WNT8B: variants seen among roughly 807,000 people sequenced by gnomAD.
WNT8B encodes protein Wnt-8b.
A neutral mutation model predicts 36.6 loss-of-function variants in WNT8B; 24 were observed. That is an observed-to-expected ratio of 0.66 (90% CI 0.48 to 0.92). WNT8B has a LOEUF of 0.92. WNT8B is among the 40% of genes least tolerant of loss of function. The probability of loss-of-function intolerance (pLI) is 0.00; values close to 1 mark genes in which losing one functional copy is unlikely to be tolerated. For synonymous variants in WNT8B, 199 were observed against 189.8 expected, an observed-to-expected ratio of 1.05 and a Z score of -0.40; for missense variants, 402 against 470.8, an observed-to-expected ratio of 0.85 and a Z score of 1.35.
chr10:100,474,455 A>G (rs1161930765), intron 1 of WNT8B, among the ~76,000 whole-genome samples: 1 of 140,526 alleles, frequency 7.1e-6, no homozygotes, highest in Non-Finnish European at 1.6e-5. Flanking sequence ...GCATCTTCTC[A>G]CAATACTCAC....
At position 100,463,207 on chromosome 10, in the gene WNT8B, C is replaced by CGAAA; in HGVS notation, c.39_40insGAAA (p.Thr14GlufsTer40). On this transcript the variant is annotated frameshift_variant, in exon 1 of 6. Coordinates refer to ENST00000343737, the MANE Select transcript of WNT8B (RefSeq NM_003393.4). LOFTEE classifies it high-confidence loss of function. ...AGCCTTCTGTGTACATCTGTCTTTTCACCTGTGTCCTCCAACTCAGCCACA... is the reference window on the plus strand; with the variant it reads ...AGCCTTCTGTGTACATCTGTCTTTTCGAAAACCTGTGTCCTCCAACTCAGCCACA... 1.2e-6 allele frequency: 2 copies of CGAAA among 1,613,952 alleles called. No homozygotes were observed. The highest frequency in any genetic ancestry group is 1.7e-6 in the Non-Finnish European group (2 of 1,179,930).
chr10:100,474,453 T>C (rs1851012775), intron 1 of WNT8B, among the ~76,000 whole-genome samples: 1 of 141,848 alleles, frequency 7.0e-6, no homozygotes, highest in Admixed American at 6.9e-5. Flanking sequence ...TTGCATCTTC[T>C]CACAATACTC....
rs920898310 is a variant in WNT8B, at chr10:100,479,729, G to A, written c.103-145G>A. On this transcript the variant is annotated intron_variant, in intron 2 of 5. Coordinates refer to ENST00000343737, the MANE Select transcript of WNT8B (RefSeq NM_003393.4). Reference sequence around the variant, plus strand: ...ATAGTGCCTATTTCACAAGTTATTTGTGATGTCAAATGAGACAGCATATTT... The same window carrying A: ...ATAGTGCCTATTTCACAAGTTATTTATGATGTCAAATGAGACAGCATATTT... 6 of 1,074,096 alleles carry A rather than the reference G, an allele frequency of 5.6e-6. No homozygotes were observed. The African/African-American group carries it at 7.9e-5, about 14-fold the overall frequency. 66.5% of individuals were successfully genotyped at this position (1,074,096 alleles called of 1,614,324 possible). A position where few individuals can be genotyped will look rare whatever the true frequency, so the allele number is the denominator to read the frequency against.
chr10:100,479,866 C>T lies in WNT8B; in HGVS notation c.103-8C>T. ...TCAGTCTGAATTTTTACCCCTATGT[C>T]CCTACAGGCTTACCTGATTTACTCC... On this transcript the variant is annotated splice_region_variant and splice_polypyrimidine_tract_variant and intron_variant, in intron 2 of 5. Transcript: ENST00000343737. 1 of 1,613,690 alleles carries T rather than the reference C, an allele frequency of 6.2e-7. No individual in the cohort carries two copies. The highest frequency in any genetic ancestry group is 8.5e-7 in the Non-Finnish European group (1 of 1,179,744).
intron 2 of WNT8B, 25 bp downstream of exon 2, chr10:100,479,110 T>C: frequency 6.3e-7 from 1 of 1,588,396 alleles, no homozygotes; most frequent in Non-Finnish European, 8.5e-7. Flanking sequence ...CATTAATTGA[T>C]ATGGATTTCA....
chr10:100,482,593 C>T lies in WNT8B; in HGVS notation c.833C>T (p.Ala278Val). ...CGAGAGTGCCTAAGGCGCGGGCGGGCCCTGGGTCGCTGGGAACGCCGCAGC... is the reference window on the plus strand; with the variant it reads ...CGAGAGTGCCTAAGGCGCGGGCGGGTCCTGGGTCGCTGGGAACGCCGCAGC... ...EGRECLRRGR[A>V]LGRWERRSCR... Residue 278 changes from alanine (A) to valine (V), a missense_variant, in exon 6 of 6, where the codon GCC becomes GTC. Coordinates refer to ENST00000343737, the MANE Select transcript of WNT8B (RefSeq NM_003393.4). This position sits in a 1 kb window ranked among gnomAD's most constrained non-coding sequence, Gnocchi z 6.6. 6.3e-7 allele frequency: 1 copy of T among 1,597,630 alleles called. No homozygotes were observed. The highest frequency in any genetic ancestry group is 8.5e-7 in the Non-Finnish European group (1 of 1,177,230).
intron 1 of WNT8B, among the ~76,000 whole-genome samples, chr10:100,478,793 T>C (rs563872277): frequency 7.9e-5 from 12 of 152,116 alleles, no homozygotes; most frequent in African/African-American, 2.9e-4. Context: ...TGTTTGGCCA[T>C]GCTGGTCTCA....
rs115115228 is a variant in WNT8B at position 100,467,730 on chromosome 10, A to G, written c.68+4494A>G. 7.2e-3 allele frequency among the ~76,000 whole-genome samples: 1,096 copies of G among 152,312 alleles called. 14 individuals carry two copies. The highest frequency in any genetic ancestry group is 0.025 in the African/African-American group (1,021 of 41,584). ...GATTCCATAGATTATTGCTTTTCAGAATAATTGGTTTTGTTTTAAAATTTT... is the reference window on the plus strand; with the variant it reads ...GATTCCATAGATTATTGCTTTTCAGGATAATTGGTTTTGTTTTAAAATTTT... On this transcript the variant is annotated intron_variant, in intron 1 of 5. Coordinates refer to ENST00000343737, the MANE Select transcript of WNT8B (RefSeq NM_003393.4).
At chr10:100,479,201 CAGATAG>C (rs1400891676) in intron 2 of WNT8B, 116 bp downstream of exon 2, 5 of 986,128 alleles carry the variant, frequency 5.1e-6, no homozygotes, top group Non-Finnish European at 7.1e-6. Context: ...GTATACATTA[CAGATAG>C]AAAGATTGAG....
chr10:100,466,272 A>G (rs191957238), intron 1 of WNT8B, among the ~76,000 whole-genome samples: 149 of 152,276 alleles, frequency 9.8e-4, no homozygotes, highest in African/African-American at 3.4e-3. Context: ...CATAAAAAAA[A>G]GTGCCTGATC....
At chr10:100,466,757 C>CA (rs1434736382) in intron 1 of WNT8B, among the ~76,000 whole-genome samples, 2 of 147,916 alleles carry the variant, frequency 1.4e-5, no homozygotes, top group Non-Finnish European at 3.0e-5. Context: ...AAAGATATTC[C>CA]TTTTTTTTTT....
intron 1 of WNT8B, among the ~76,000 whole-genome samples, chr10:100,472,164 G>A (rs1288518289): frequency 1.3e-5 from 2 of 151,244 alleles, no homozygotes; most frequent in Non-Finnish European, 3.0e-5. Context: ...AGGCTGGAGG[G>A]CAGTGGCGCG....
At chr10:100,478,797 G>C (rs892819540) in intron 1 of WNT8B, among the ~76,000 whole-genome samples, 1 of 152,066 alleles carries the variant, frequency 6.6e-6, no homozygotes, top group Non-Finnish European at 1.5e-5. Flanking sequence ...TGGCCATGCT[G>C]GTCTCAAACT....
chr10:100,464,989 C>T (rs561320921), intron 1 of WNT8B, among the ~76,000 whole-genome samples: 1 of 152,256 alleles, frequency 6.6e-6, no homozygotes, highest in Admixed American at 6.5e-5. Flanking sequence ...TTTGACCAAC[C>T]ACAGCCTTTG....
Position 100,482,063 on chromosome 10 carries a change from C to T in WNT8B, c.510+9C>T, listed in dbSNP as rs1177985259. On this transcript the variant is annotated intron_variant, in intron 5 of 5. Coordinates refer to ENST00000343737, the MANE Select transcript of WNT8B (RefSeq NM_003393.4). This position sits in a 1 kb window ranked among gnomAD's most constrained non-coding sequence, Gnocchi z 6.6. ...ACGAGGCTGGCCGCAAGGTGAGTCC[C>T]GCAGCCCTTGGAAATAGGCAGCTGC... 3.1e-6 allele frequency: 5 copies of T among 1,613,886 alleles called. No homozygotes were observed. Among genetic ancestry groups the T allele is most frequent in the South Asian group, 1.1e-5 (1 of 91,084 alleles).
Position 100,482,029 on chromosome 10 carries a change from T to A in WNT8B, c.485T>A (p.Leu162Gln). The A allele has an allele frequency of 6.2e-7, 1 of 1,614,186 alleles. No individual in the cohort carries two copies. Among genetic ancestry groups the A allele is most frequent in the Non-Finnish European group, 8.5e-7 (1 of 1,180,014 alleles). Residue 162 changes from leucine to glutamine, a missense_variant, in exon 5 of 6, where the codon CTG becomes CAG. By Grantham distance (113) the Leu-to-Gln change is moderately radical. Transcript: ENST00000343737. The surrounding 1 kb of genome is among the most constrained non-coding windows in gnomAD (Gnocchi z 6.6). ...TGQDARAAMN[L>Q]HNNEAGRKAV... Reference sequence around the variant, plus strand: ...CAGGATGCACGGGCAGCCATGAACCTGCACAACAACGAGGCTGGCCGCAAG... The same window carrying A: ...CAGGATGCACGGGCAGCCATGAACCAGCACAACAACGAGGCTGGCCGCAAG...
intron 4 of WNT8B, 24 bp downstream of exon 4, chr10:100,481,147 T>C (rs768601205): frequency 6.2e-7 from 1 of 1,612,694 alleles, no homozygotes; most frequent in African/African-American, 1.3e-5. Context: ...TAGGGATGGG[T>C]ACCATAGGCC....
Position 100,481,893 on chromosome 10 carries a change from T to C in WNT8B, c.368-19T>C. On this transcript the variant is annotated intron_variant, in intron 4 of 5. Transcript: ENST00000343737. ...CGCCCGCTTGCTCAATGACCTGTCCTCCCTCTGCACTTTTCCAGGGGGACA... is the reference window on the plus strand; with the variant it reads ...CGCCCGCTTGCTCAATGACCTGTCCCCCCTCTGCACTTTTCCAGGGGGACA... 1 of 1,589,106 alleles carries C rather than the reference T, an allele frequency of 6.3e-7. No individual in the cohort carries two copies. The highest frequency in any genetic ancestry group is 1.1e-5 in the South Asian group (1 of 90,756).
chr10:100,477,773 A>AGTTTTTTTTT (rs58148224), intron 1 of WNT8B, among the ~76,000 whole-genome samples: 29,185 of 144,042 alleles, frequency 0.2, 2,989 homozygotes, highest in South Asian at 0.23. Flanking sequence ...GTTCATTTTT[A>AGTTTTTTTTT]GTTTTTTTTT....
Sources: allele counts gnomAD v4.1 joint callset (sites outside exome capture counted in the v4.1 genomes callset), GRCh38; gene constraint gnomAD v4.1.1; non-coding constraint Gnocchi (gnomAD v3.1); transcripts MANE v1.5; gene names NCBI Gene and HGNC (gene_info 2026-07-23, HGNC 2026-07-21).